The following COL4A5 variants were observed in gnomAD, a reference collection of about 807,000 sequenced individuals.
The protein encoded by COL4A5 is collagen alpha-5(IV) chain.
Under a neutral mutation model 130.2 loss-of-function variants are expected in COL4A5, and 26 were observed. The observed-to-expected ratio is 0.20, with a 90% CI of 0.15 to 0.28. COL4A5 has a LOEUF of 0.28. Among genes scored for constraint, COL4A5 ranks in the 10% least tolerant of loss-of-function variants. The pLI is 1.00. For synonymous variants in COL4A5, 496 were observed against 439.6 expected (o/e 1.13, Z -1.60); for missense variants, 1,131 against 1,344.3 (o/e 0.84, Z 2.48).
At chrX:108,601,798 G>A in intron 26 of COL4A5, 87 bp from the exon 27 acceptor site, 1 of 589,627 alleles carries the variant, frequency 1.7e-6, no homozygotes, top group Non-Finnish European at 2.9e-6. Context: ...CCAAAGTGCT[G>A]GGATTACAAG....
intron 43 of COL4A5, 24 bp downstream of exon 43, chrX:108,674,777 CTTTTTT>C: frequency 4.1e-6 from 4 of 981,622 alleles, no homozygotes; most frequent in Non-Finnish European, 4.0e-6. Context: ...CTGGTCAATT[CTTTTTT>C]TTTTTTTTTT....
At chrX:108,500,359 T>G (rs2065069251) in intron 1 of COL4A5, among the ~76,000 whole-genome samples, 1 of 111,873 alleles carries the variant, frequency 8.9e-6, no homozygotes, top group South Asian at 3.7e-4. Context: ...CAGGTTTTAT[T>G]TTTTTCTTCT....
chrX:108,539,537 A>G (rs1174475446), intron 1 of COL4A5, among the ~76,000 whole-genome samples: 1 of 111,883 alleles, frequency 8.9e-6, no homozygotes, highest in African/African-American at 3.2e-5. Context: ...ATGTTTGCTC[A>G]TTTTGAAAAG....
At chrX:108,477,032 T>G (rs1193816455) in intron 1 of COL4A5, among the ~76,000 whole-genome samples, 1 of 111,587 alleles carries the variant, frequency 9.0e-6, no homozygotes, top group Non-Finnish European at 1.9e-5. Context: ...GCTAGGCCCA[T>G]CTCTCATTTT....
chrX:108,475,689 T>C (rs1362327878), intron 1 of COL4A5, among the ~76,000 whole-genome samples: 2 of 110,932 alleles, frequency 1.8e-5, no homozygotes, highest in East Asian at 5.7e-4. Context: ...GAGTAGAAGC[T>C]CACCAGAGCC....
intron 1 of COL4A5, among the ~76,000 whole-genome samples, chrX:108,450,860 A>G (rs1335493030): frequency 3.6e-5 from 4 of 109,903 alleles, no homozygotes; most frequent in African/African-American, 1.3e-4. Context: ...TTATTTTATT[A>G]TTATTATACT....
chrX:108,625,320 A>C (rs1373400099), intron 34 of COL4A5, among the ~76,000 whole-genome samples: 1 of 111,749 alleles, frequency 8.9e-6, no homozygotes, highest in Non-Finnish European at 1.9e-5. Flanking sequence ...ATCACGCTCT[A>C]CATGAGAAGC....
chrX:108,458,834 G>A (rs925218443), intron 1 of COL4A5, among the ~76,000 whole-genome samples: 15 of 111,328 alleles, frequency 1.3e-4, no homozygotes, highest in African/African-American at 4.9e-4. Context: ...CAAAAAATTA[G>A]TTGGGCGTGG....
chrX:108,620,461 A>T, intron 31 of COL4A5, 35 bp downstream of exon 31: 1 of 1,122,481 alleles, frequency 8.9e-7, no homozygotes, highest in Non-Finnish European at 1.2e-6. Context: ...ATTTGGATTA[A>T]GGAAATTAAA....
chrX:108,674,717 G>A (rs755660184), intron 42 of COL4A5, 28 bp from the exon 43 acceptor site: 8 of 1,197,264 alleles, frequency 6.7e-6, no homozygotes, highest in Admixed American at 6.7e-5. Flanking sequence ...ATCGATCTTT[G>A]GGCTTTGGTG....
chrX:108,483,980 C>T (rs2064919060), intron 1 of COL4A5, among the ~76,000 whole-genome samples: 1 of 111,875 alleles, frequency 8.9e-6, no homozygotes, highest in African/African-American at 3.2e-5. Flanking sequence ...TTATCTTGTT[C>T]AGCTGTTTGA....
At chrX:108,551,322 C>A (rs183356186) in intron 2 of COL4A5, among the ~76,000 whole-genome samples, 3 of 111,085 alleles carry the variant, frequency 2.7e-5, no homozygotes, top group African/African-American at 9.8e-5. Context: ...AAATAAATAA[C>A]CCCATTCAAA....
At chrX:108,632,201 T>G (rs1488710383) in intron 36 of COL4A5, among the ~76,000 whole-genome samples, 2 of 110,633 alleles carry the variant, frequency 1.8e-5, no homozygotes, top group African/African-American at 3.3e-5. Flanking sequence ...TATAAACACC[T>G]CTATGCAAAT....
intron 2 of COL4A5, among the ~76,000 whole-genome samples, chrX:108,555,814 ATTC>A (rs984613921): frequency 4.5e-5 from 5 of 111,938 alleles, no homozygotes; most frequent in Non-Finnish European, 9.4e-5. Context: ...TTAGATTTTT[ATTC>A]TTCTTAATAA....
intron 1 of COL4A5, among the ~76,000 whole-genome samples, chrX:108,511,477 C>T (rs1388877278): frequency 9.0e-6 from 1 of 111,347 alleles, no homozygotes; most frequent in Non-Finnish European, 1.9e-5. Context: ...AAATTCATAT[C>T]GTATGGAAAT....
At chrX:108,522,878 TA>T (rs1169516286) in intron 1 of COL4A5, among the ~76,000 whole-genome samples, 1 of 103,364 alleles carries the variant, frequency 9.7e-6, no homozygotes, top group Non-Finnish European at 1.9e-5. Context: ...AAAAAAAAAT[TA>T]CTTTTTTTTT....
At position 108,568,828 on chromosome X, in the gene COL4A5, T is replaced by G; in HGVS notation, c.384+7T>G. The G allele has an allele frequency of 8.3e-7, 1 of 1,200,178 alleles. No individual in the cohort carries two copies. The highest frequency in any genetic ancestry group is 1.7e-5 in the African/African-American group (1 of 57,544). On this transcript the variant is annotated splice_region_variant and intron_variant, in intron 6 of 52. Transcript: ENST00000328300. ...CGGATGCAATGGAACCAAGGTGAGA[T>G]CCATCCATTTAATCTTGGGTAGTAT...
At chrX:108,692,025 C>T (rs1007940510) in intron 49 of COL4A5, among the ~76,000 whole-genome samples, 3 of 111,122 alleles carry the variant, frequency 2.7e-5, no homozygotes, top group Non-Finnish European at 5.7e-5. Context: ...TTTAAACTTA[C>T]GATGAAATTT....
chrX:108,607,725 GC>G (rs2066759868), intron 29 of COL4A5, among the ~76,000 whole-genome samples: 2 of 110,766 alleles, frequency 1.8e-5, no homozygotes, highest in East Asian at 5.7e-4. Context: ...TTCGTGATCC[GC>G]CCGCCTCGGC....
Sources: gnomAD v4.1 joint callset for allele counts (sites outside exome capture counted in the v4.1 genomes callset) on GRCh38, gnomAD v4.1.1 for gene constraint, MANE v1.5 for transcripts, NCBI Gene and HGNC (gene_info 2026-07-23, HGNC 2026-07-21) for gene names.